The following FSD1L variants were observed in gnomAD, a reference collection of about 807,000 sequenced individuals.
FSD1L encodes the protein FSD1-like protein.
FSD1L carries 45 observed loss-of-function variants against 71.6 expected under a neutral mutation model. The observed-to-expected ratio is 0.63, with a 90% CI of 0.49 to 0.81. The LOEUF (loss-of-function observed/expected upper bound fraction) is 0.81. Among genes scored for constraint, FSD1L ranks in the 30% least tolerant of loss-of-function variants. The pLI is 0.00. For synonymous variants in FSD1L, 197 were observed against 207.2 expected, an observed-to-expected ratio of 0.95 and a Z score of 0.42; for missense variants, 561 against 618.1, an observed-to-expected ratio of 0.91 and a Z score of 0.98.
At chr9:105,518,092 A>G (rs867110101) in intron 10 of FSD1L, among the ~76,000 whole-genome samples, 4 of 152,250 alleles carry the variant, frequency 2.6e-5, no homozygotes, top group African/African-American at 4.8e-5. Flanking sequence ...AAAGGGATCA[A>G]TGCATCAAGA....
chr9:105,507,889 C>CTTTTTT, intron 8 of FSD1L, among the ~76,000 whole-genome samples: 1 of 109,258 alleles, frequency 9.2e-6, no homozygotes, highest in Non-Finnish European at 1.9e-5. Flanking sequence ...TATCACTCTT[C>CTTTTTT]TTTTTTTTTT....
chr9:105,530,693 G>GTCA, intron 10 of FSD1L: 1 of 543,512 alleles, frequency 1.8e-6, no homozygotes, highest in Non-Finnish European at 3.3e-6. Flanking sequence ...CCACCAGTTG[G>GTCA]GGAGGCAAAC....
At chr9:105,468,580 T>G (rs987714437) in intron 4 of FSD1L, among the ~76,000 whole-genome samples, 2 of 151,874 alleles carry the variant, frequency 1.3e-5, no homozygotes, top group Non-Finnish European at 2.9e-5. Flanking sequence ...TTGCAACCTC[T>G]GCCTCCCAGG....
intron 10 of FSD1L, chr9:105,521,766 C>G: frequency 6.2e-7 from 1 of 1,612,964 alleles, no homozygotes; most frequent in Admixed American, 1.7e-5. Flanking sequence ...CGGCTCCTAC[C>G]AAGGTGCTCT....
In FSD1L at chr9:105,448,215, C is replaced by A; in HGVS notation, c.-6C>A. On this transcript the variant is annotated 5_prime_UTR_variant, in exon 1 of 14. Transcript: ENST00000481272. ...GGTTCGAGCCCAGTGGGCTTAGCCA[C>A]TCGCCATGGACTCCCAGAAAGTAAG... is the stretch of plus-strand genomic sequence containing the variant. 6.5e-7 allele frequency: 1 copy of A among 1,540,198 alleles called. No individual in the cohort carries two copies.
chr9:105,462,115 A>G (rs1374857933), intron 2 of FSD1L, among the ~76,000 whole-genome samples: 1 of 151,934 alleles, frequency 6.6e-6, no homozygotes, highest in Non-Finnish European at 1.5e-5. Context: ...ATGGGAAGCT[A>G]TTTTATGCTA....
intron 12 of FSD1L, among the ~76,000 whole-genome samples, chr9:105,536,054 A>G (rs1222149442): frequency 2.0e-5 from 3 of 152,226 alleles, no homozygotes; most frequent in African/African-American, 7.2e-5. Context: ...AATCCAAAAA[A>G]GAAAAGAAAT....
At position 105,512,880 on chromosome 9, in the gene FSD1L, T is replaced by C; in HGVS notation, c.969T>C (p.Asp323=). The C allele has an allele frequency of 1.3e-6, 2 of 1,542,700 alleles. No homozygotes were observed. Among genetic ancestry groups the C allele is most frequent in the Non-Finnish European group, 1.8e-6 (2 of 1,142,674 alleles). The change falls in exon 10 of 14, where the codon GAT becomes GAC. Residue 323 remains aspartate (D), a synonymous_variant. Coordinates refer to ENST00000481272, the MANE Select transcript of FSD1L (RefSeq NM_001145313.3). Reference sequence around the variant, plus strand: ...TTGAAGATACATGTGTAGAGTGGGATCCTACTGGAGGAAAAGGTCAAGAAA... The same window carrying C: ...TTGAAGATACATGTGTAGAGTGGGACCCTACTGGAGGAAAAGGTCAAGAAA... ...LKVEDTCVEW[D]PTGGKGQESK... is the part of the protein sequence containing the mutation.
intron 13 of FSD1L, 74 bp from the exon 14 acceptor site, chr9:105,546,284 T>A: frequency 7.1e-7 from 1 of 1,414,730 alleles, no homozygotes; most frequent in Admixed American, 2.7e-5. Context: ...ATTTTGCCTT[T>A]GAAATGGAAA....
At chr9:105,452,485 G>GT (rs1165760336) in intron 1 of FSD1L, among the ~76,000 whole-genome samples, 4 of 152,154 alleles carry the variant, frequency 2.6e-5, no homozygotes, top group Non-Finnish European at 5.9e-5. Context: ...ACAACCCATA[G>GT]TTTTTTCATT....
intron 7 of FSD1L, among the ~76,000 whole-genome samples, chr9:105,495,982 A>G (rs906387582): frequency 3.9e-5 from 6 of 151,910 alleles, no homozygotes; most frequent in Non-Finnish European, 5.9e-5. Flanking sequence ...AAAAAAAAAA[A>G]AAAGAAAAGG....
At chr9:105,482,052 G>A (rs1832241811) in intron 6 of FSD1L, among the ~76,000 whole-genome samples, 1 of 152,180 alleles carries the variant, frequency 6.6e-6, no homozygotes, top group Non-Finnish European at 1.5e-5. Flanking sequence ...TGGGGTTACA[G>A]ATATGAGCCA....
intron 3 of FSD1L, among the ~76,000 whole-genome samples, chr9:105,467,507 C>T (rs1459479948): frequency 6.6e-6 from 1 of 152,106 alleles, no homozygotes; most frequent in African/African-American, 2.4e-5. Context: ...GCATTATTGA[C>T]CATGTTACTA....
chr9:105,526,055 T>G, intron 10 of FSD1L: 1 of 1,508,950 alleles, frequency 6.6e-7, no homozygotes, highest in Non-Finnish European at 9.2e-7. Flanking sequence ...ATATATCCAA[T>G]GAAAAATCAC....
intron 7 of FSD1L, among the ~76,000 whole-genome samples, chr9:105,500,928 T>A (rs1197822704): frequency 6.6e-6 from 1 of 152,214 alleles, no homozygotes; most frequent in Non-Finnish European, 1.5e-5. Flanking sequence ...CACAACTGAC[T>A]AACTATGACA....
At chr9:105,474,323 C>T (rs936574466) in intron 5 of FSD1L, among the ~76,000 whole-genome samples, 2 of 152,160 alleles carry the variant, frequency 1.3e-5, no homozygotes, top group Non-Finnish European at 2.9e-5. Context: ...ATTGTATATG[C>T]AGTCCATTAT....
intron 7 of FSD1L, among the ~76,000 whole-genome samples, chr9:105,493,661 C>G (rs543980977): frequency 0.026 from 3,880 of 152,070 alleles, 190 homozygotes; most frequent in African/African-American, 0.089. Context: ...TCCATGTTTA[C>G]TGCTTCCTTC....
chr9:105,442,448 G>T, the FSD1L span, among the ~76,000 whole-genome samples: 1 of 152,046 alleles, frequency 6.6e-6, no homozygotes, highest in Admixed American at 6.6e-5. Flanking sequence ...GGAGGCCAAG[G>T]TGGGCAGATT....
At position 105,473,677 on chromosome 9, in the gene FSD1L, C is replaced by T. The variant is rs186279783; in HGVS notation, c.441+1672C>T. Reference sequence around the variant, plus strand: ...AGACAGGAAAACTATAGAATGTGGACACTAATACTCAAAAATGCCTTGAAT... The same window carrying T: ...AGACAGGAAAACTATAGAATGTGGATACTAATACTCAAAAATGCCTTGAAT... On this transcript the variant is annotated intron_variant, in intron 5 of 13. Coordinates refer to ENST00000481272, the MANE Select transcript of FSD1L (RefSeq NM_001145313.3). 9.9e-5 allele frequency among the ~76,000 whole-genome samples: 15 copies of T among 152,250 alleles called. No individual in the cohort carries two copies. The East Asian group carries it at 2.9e-3, about 29-fold the overall frequency.
Sources: allele counts gnomAD v4.1 joint callset (sites outside exome capture counted in the v4.1 genomes callset), GRCh38; gene constraint gnomAD v4.1.1; transcripts MANE v1.5; gene names NCBI Gene and HGNC (gene_info 2026-07-23, HGNC 2026-07-21).